The following ERBB3 variants were observed in gnomAD, a reference collection of about 807,000 sequenced individuals.
ERBB3 encodes erb-b2 receptor tyrosine kinase 3.
In ERBB3, 96 loss-of-function variants were observed where a neutral mutation model predicts 156.7. The ratio of observed to expected loss-of-function variants is 0.61; its 90% CI spans 0.52 to 0.73. The LOEUF (loss-of-function observed/expected upper bound fraction) is 0.73, where lower values mean the gene tolerates loss of function less well. ERBB3 is among the 30% of genes least tolerant of loss of function. ERBB3 has a pLI of 0.00. For missense variants in ERBB3, 1,406 were observed against 1,709.4 expected (o/e 0.82, Z 3.13); for synonymous variants, 567 against 632.0 (o/e 0.90, Z 1.54).
Position 56,084,049 on chromosome 12 carries a change from A to G in ERBB3, c.234+147A>G, listed in dbSNP as rs376446752. On this transcript the variant is annotated intron_variant, in intron 2 of 27. Transcript: ENST00000267101. ...GATTCAAAACCGTGTATTTATGGGG[A>G]CAGTGGCTGTCATCTGGGACCTATG... The G allele has an allele frequency of 3.6e-6, 3 of 833,180 alleles. No homozygotes were observed. The African/African-American group carries it at 5.0e-5, about 14-fold the overall frequency. 51.6% of individuals were successfully genotyped at this position (833,180 alleles called of 1,614,324 possible). A position where few individuals can be genotyped will look rare whatever the true frequency, so the allele number is the denominator to read the frequency against.
chr12:56,087,022 C>T (rs748687381), intron 4 of ERBB3, among the ~76,000 whole-genome samples: 3 of 151,650 alleles, frequency 2.0e-5, no homozygotes, highest in East Asian at 1.9e-4. Context: ...CCTGTAATCC[C>T]GGCTACTCAG....
At chr12:56,093,154 G>T in intron 11 of ERBB3, 78 bp downstream of exon 11, 2 of 1,272,934 alleles carry the variant, frequency 1.6e-6, no homozygotes, top group Non-Finnish European at 2.3e-6. Context: ...TAAAATACAA[G>T]GCACTGTCTC....
chr12:56,087,762 G>A (rs1411030195), intron 5 of ERBB3, 33 bp from the exon 6 acceptor site: 1 of 1,598,076 alleles, frequency 6.3e-7, no homozygotes, highest in East Asian at 2.2e-5. Context: ...AGTCCTAGGA[G>A]CCCTAACAGC....
At chr12:56,085,413 G>A in intron 3 of ERBB3, 6 of 1,432,136 alleles carry the variant, frequency 4.2e-6, no homozygotes, top group Non-Finnish European at 5.5e-6. Context: ...GCTGGAGTCA[G>A]AGCTGGATCT....
chr12:56,101,599 AGAT>A lies in ERBB3; in HGVS notation c.3576_3578del (p.Asp1192del), dbSNP rs1270662653. 6.2e-7 allele frequency: 1 copy of A among 1,614,078 alleles called. No individual in the cohort carries two copies. ...GTTCTGTCCTGGGTACTGAAGAAGA[AGAT>A]GAAGATGAGGAGTATGAATACATGA... On this transcript the variant is annotated inframe_deletion, in exon 28 of 28. Transcript: ENST00000267101.
rs1239329934 is a variant in ERBB3, at chr12:56,101,907, C to G, written c.3881C>G (p.Ala1294Gly). 1 of 1,613,582 alleles carries G rather than the reference C, an allele frequency of 6.2e-7. No individual in the cohort carries two copies. The highest frequency in any genetic ancestry group is 1.1e-5 in the South Asian group (1 of 91,050). Residue 1294 changes from alanine to glycine, a missense_variant, in exon 28 of 28, where the codon GCT becomes GGT. Around this residue, in one of 3 missense-constraint regions of ERBB3, gnomAD observed 415 missense variants for 454.1 expected, o/e 0.91. Transcript: ENST00000267101. ...ASEQGYEEMR[A>G]FQGPGHQAPH... ...GAGCAAGGGTATGAAGAGATGAGAG[C>G]TTTTCAGGGGCCTGGACATCAGGCC...
rs1868987404 is a variant in ERBB3 at position 56,098,884 on chromosome 12, G to A, written c.2818G>A (p.Val940Ile). 1 of 1,613,820 alleles carries A rather than the reference G, an allele frequency of 6.2e-7. No homozygotes were observed. The highest frequency in any genetic ancestry group is 8.5e-7 in the Non-Finnish European group (1 of 1,179,978). Residue 940 changes from valine to isoleucine, a missense_variant, in exon 23 of 28, where the codon GTC becomes ATC. Physicochemically the swap from Val to Ile is conservative, Grantham distance 29 (BLOSUM62 3). Transcript: ENST00000267101. ...ACAGCCCCAGATCTGCACAATTGAT[G>A]TCTACATGGTGATGGTCAAGTGTGA... ...LAQPQICTID[V>I]YMVMVKCWMI...
intron 17 of ERBB3, 71 bp downstream of exon 17, chr12:56,095,877 A>C (rs896250961): frequency 1.3e-6 from 2 of 1,550,276 alleles, no homozygotes; most frequent in Non-Finnish European, 8.9e-7. Context: ...TTATAGCTTA[A>C]TTTTGAGTGG....
chr12:56,098,935 CTCT>C (rs1868988669), intron 23 of ERBB3, 30 bp downstream of exon 23: 1 of 1,556,954 alleles, frequency 6.4e-7, no homozygotes, highest in Non-Finnish European at 8.8e-7. Flanking sequence ...CAACCATTTT[CTCT>C]TTTTTTCTTT....
intron 4 of ERBB3, 115 bp downstream of exon 4, chr12:56,086,771 C>T (rs1592226213): frequency 7.7e-7 from 1 of 1,292,070 alleles, no homozygotes; most frequent in Non-Finnish European, 1.1e-6. Flanking sequence ...ACAAACACCT[C>T]AGGTCCCTGA....
In ERBB3 at chr12:56,098,845, G is replaced by A. The variant is rs776766992; in HGVS notation, c.2779G>A (p.Gly927Arg). 6.2e-7 allele frequency: 1 copy of A among 1,614,050 alleles called. No individual in the cohort carries two copies. Among genetic ancestry groups the A allele is most frequent in the African/African-American group, 1.3e-5 (1 of 74,976 alleles). Reference sequence around the variant, plus strand: ...TGAAGTACCAGACCTGCTAGAGAAGGGGGAGCGGTTGGCACAGCCCCAGAT... The same window carrying A: ...TGAAGTACCAGACCTGCTAGAGAAGAGGGAGCGGTTGGCACAGCCCCAGAT... ...LAEVPDLLEK[G>R]ERLAQPQICT... The change falls in exon 23 of 28, where the codon GGG (glycine) becomes AGG (arginine). Residue 927 changes from glycine to arginine, a missense_variant. This residue lies in a region of ERBB3 where 979 missense variants were observed against 1,219.6 expected (regional missense o/e 0.80). Coordinates refer to ENST00000267101, the MANE Select transcript of ERBB3 (RefSeq NM_001982.4).
At chr12:56,083,536 C>T in intron 1 of ERBB3, 2 of 599,808 alleles carry the variant, frequency 3.3e-6, no homozygotes, top group Non-Finnish European at 6.0e-6. Flanking sequence ...TTCACCTTCC[C>T]ATTCATGGAA....
Position 56,101,543 on chromosome 12 carries a change from C to G in ERBB3, c.3517C>G (p.Arg1173Gly). ...TCAACCCCCAGGTACTCCCTCCTCC[C>G]GGGAAGGCACCCTTTCTTCAGTGGG... The part of the protein sequence containing the change: ...DTHLKGTPSS[R>G]EGTLSSVGLS... The change falls in exon 28 of 28, where the codon CGG (arginine) becomes GGG (glycine). Residue 1173 changes from arginine to glycine, a missense_variant. Coordinates refer to ENST00000267101, the MANE Select transcript of ERBB3 (RefSeq NM_001982.4). 6.2e-7 allele frequency: 1 copy of G among 1,614,016 alleles called. No homozygotes were observed. Among genetic ancestry groups the G allele is most frequent in the Non-Finnish European group, 8.5e-7 (1 of 1,180,000 alleles).
rs190036848 is a variant in ERBB3 at position 56,084,067 on chromosome 12, G to A, written c.234+165G>A. On this transcript the variant is annotated intron_variant, in intron 2 of 27. Coordinates refer to ENST00000267101, the MANE Select transcript of ERBB3 (RefSeq NM_001982.4). ...TATGGGGACAGTGGCTGTCATCTGGGACCTATGGTCTCACTGTTGTAGCCA... is the reference window on the plus strand; with the variant it reads ...TATGGGGACAGTGGCTGTCATCTGGAACCTATGGTCTCACTGTTGTAGCCA... 2.9e-3 allele frequency among the ~76,000 whole-genome samples: 443 copies of A among 152,256 alleles called. 3 individuals carry two copies. Among genetic ancestry groups the A allele is most frequent in the African/African-American group, 0.01 (422 of 41,562 alleles).
rs762129530 is a variant in ERBB3, at chr12:56,101,059, A to G, written c.3202-2A>G. On this transcript the variant is annotated splice_acceptor_variant, in intron 26 of 27. Transcript: ENST00000267101. LOFTEE classifies it high-confidence loss of function. ...TTATTTTCTGTTTATTTTCTTCCTT[A>G]GGAGTCTGCAGTTTCTGGGAGCAGT... is the stretch of plus-strand genomic sequence containing the variant. 1.4e-5 allele frequency: 22 copies of G among 1,609,666 alleles called. No homozygotes were observed. In the Admixed American group the frequency reaches 3.7e-4, roughly 27 times the overall value.
In ERBB3 at chr12:56,103,072, G is replaced by A. The variant is rs1869180039; in HGVS notation, c.*1017G>A. On this transcript the variant is annotated 3_prime_UTR_variant, in exon 28 of 28. Coordinates refer to ENST00000267101, the MANE Select transcript of ERBB3 (RefSeq NM_001982.4). ...CCTGTGCATGTGCTCTTATTGTAAGGTGCCAAGAAAAACTGATTTAAGTTA... is the reference window on the plus strand; with the variant it reads ...CCTGTGCATGTGCTCTTATTGTAAGATGCCAAGAAAAACTGATTTAAGTTA... 4.3e-6 allele frequency: 1 copy of A among 230,440 alleles called. No individual in the cohort carries two copies. The allele number at this position is 230,440 out of a possible 1,614,324, so 14.3% of individuals were successfully genotyped here.
rs1266522342 is a variant in ERBB3 at position 56,088,806 on chromosome 12, T to A, written c.1047T>A (p.Asp349Glu). The A allele has an allele frequency of 1.2e-6, 2 of 1,614,176 alleles. No homozygotes were observed. The highest frequency in any genetic ancestry group is 4.5e-5 in the East Asian group (2 of 44,886). The change falls in exon 9 of 28, where the codon GAT becomes GAA. Residue 349 changes from aspartate to glutamate, a missense_variant. Asp to Glu is a conservative substitution (Grantham distance 45). Around this residue, in one of 3 missense-constraint regions of ERBB3, gnomAD observed 979 missense variants for 1,219.6 expected, o/e 0.80. Coordinates refer to ENST00000267101, the MANE Select transcript of ERBB3 (RefSeq NM_001982.4). ...RFQTVDSSNI[D>E]GFVNCTKILG... Reference sequence around the variant, plus strand: ...AGACTGTGGACTCGAGCAACATTGATGGATTTGTGAACTGCACCAAGATCC... The same window carrying A: ...AGACTGTGGACTCGAGCAACATTGAAGGATTTGTGAACTGCACCAAGATCC...
At position 56,085,253 on chromosome 12, in the gene ERBB3, C is replaced by G. The variant is rs772810438; in HGVS notation, c.421+72C>G. The G allele has an allele frequency of 7.2e-5, 116 of 1,612,244 alleles. No homozygotes were observed. The Middle Eastern group carries it at 1.8e-3, about 25-fold the overall frequency. ...AGACTGGTACCTCCTTGATGATGAC[C>G]CAAGACTGCTCACTCTAAGTGCCTC... On this transcript the variant is annotated intron_variant, in intron 3 of 27. Coordinates refer to ENST00000267101, the MANE Select transcript of ERBB3 (RefSeq NM_001982.4).
intron 23 of ERBB3, among the ~76,000 whole-genome samples, chr12:56,099,225 G>A (rs988216680): frequency 6.6e-6 from 1 of 151,370 alleles, no homozygotes; most frequent in Non-Finnish European, 1.5e-5. Flanking sequence ...CAAAGTGCTG[G>A]GATTACAGGT....
Sources: gnomAD v4.1 joint callset for allele counts (sites outside exome capture counted in the v4.1 genomes callset) on GRCh38, gnomAD v4.1.1 for gene constraint, gnomAD v4.1.1 regional missense constraint, MANE v1.5 for transcripts, NCBI Gene and HGNC (gene_info 2026-07-23, HGNC 2026-07-21) for gene names.